Variants in PDZD8 observed in about 807,000 individuals in gnomAD.
PDZD8 encodes PDZ domain containing 8, also known as PDZ domain-containing protein 8.
In PDZD8, 14 loss-of-function variants were observed where a neutral mutation model predicts 85.8. That is an observed-to-expected ratio of 0.16 (90% confidence interval 0.11 to 0.26). PDZD8 has a LOEUF of 0.26. Among genes scored for constraint, PDZD8 ranks in the 10% least tolerant of loss-of-function variants. PDZD8 has a pLI of 1.00. For missense variants in PDZD8, 1,197 were observed against 1,424.3 expected (o/e 0.84, Z 2.57); for synonymous variants, 592 against 568.6 (o/e 1.04, Z -0.59).
chr10:117,361,024 A>G (rs998143641), intron 1 of PDZD8, among the ~76,000 whole-genome samples: 5 of 152,202 alleles, frequency 3.3e-5, no homozygotes, highest in Non-Finnish European at 7.3e-5. Context: ...TAAAGCTCAC[A>G]TTCCATTAGC....
intron 1 of PDZD8, among the ~76,000 whole-genome samples, chr10:117,346,758 T>C (rs1296275911): frequency 6.6e-6 from 1 of 151,992 alleles, no homozygotes; most frequent in Non-Finnish European, 1.5e-5. Context: ...ACTTTTAGGG[T>C]TTCCTGGCAG....
intron 1 of PDZD8, among the ~76,000 whole-genome samples, chr10:117,364,704 G>C (rs977638392): frequency 3.3e-5 from 5 of 152,100 alleles, no homozygotes; most frequent in African/African-American, 1.2e-4. Flanking sequence ...ACAGCAAAGA[G>C]GCATGAACAG....
intron 1 of PDZD8, among the ~76,000 whole-genome samples, chr10:117,368,151 G>A (rs1845122263): frequency 1.3e-5 from 2 of 152,012 alleles, no homozygotes; most frequent in South Asian, 2.1e-4. Context: ...TATACCCACC[G>A]CAACACTAGG....
chr10:117,321,864 A>T (rs1190040354), intron 2 of PDZD8, among the ~76,000 whole-genome samples: 1 of 152,200 alleles, frequency 6.6e-6, no homozygotes, highest in Admixed American at 6.5e-5. Context: ...GATATTTGAT[A>T]ACAGAAAACA....
intron 2 of PDZD8, among the ~76,000 whole-genome samples, chr10:117,326,075 T>C (rs953196800): frequency 1.3e-5 from 2 of 152,272 alleles, no homozygotes; most frequent in Admixed American, 1.3e-4. Context: ...TCCACTATGA[T>C]TCTAAGTGTC....
chr10:117,357,717 G>A (rs1379383198), intron 1 of PDZD8, among the ~76,000 whole-genome samples: 5 of 122,938 alleles, frequency 4.1e-5, no homozygotes, highest in Non-Finnish European at 8.0e-5. Context: ...AGTGAGCCCC[G>A]ATCATGCCAC....
chr10:117,308,347 G>A (rs1843979132), intron 3 of PDZD8, among the ~76,000 whole-genome samples: 1 of 151,938 alleles, frequency 6.6e-6, no homozygotes, highest in Non-Finnish European at 1.5e-5. Context: ...ATTTAAAAGG[G>A]TCTTATAAAC....
intron 3 of PDZD8, among the ~76,000 whole-genome samples, chr10:117,298,918 C>T (rs958903540): frequency 3.8e-4 from 57 of 151,910 alleles, no homozygotes; most frequent in Admixed American, 3.4e-3. Context: ...GGACCCCACT[C>T]GAGGATACCA....
At chr10:117,286,154 T>C (rs1844659955) in intron 4 of PDZD8, among the ~76,000 whole-genome samples, 1 of 152,208 alleles carries the variant, frequency 6.6e-6, no homozygotes, top group African/African-American at 2.4e-5. Flanking sequence ...TATTTTTTAA[T>C]TGTTACACGT....
chr10:117,341,417 A>T (rs1240851917), intron 1 of PDZD8, among the ~76,000 whole-genome samples: 1 of 152,196 alleles, frequency 6.6e-6, no homozygotes, highest in Non-Finnish European at 1.5e-5. Flanking sequence ...CCAGATGGGA[A>T]GAGTGTTCCT....
At chr10:117,372,925 C>T (rs758405814) in intron 1 of PDZD8, among the ~76,000 whole-genome samples, 2 of 152,082 alleles carry the variant, frequency 1.3e-5, no homozygotes, top group African/African-American at 2.4e-5. Flanking sequence ...TGAAAATTGA[C>T]ACTGGTAGAA....
At chr10:117,302,796 G>A (rs1843868901) in intron 3 of PDZD8, among the ~76,000 whole-genome samples, 1 of 152,168 alleles carries the variant, frequency 6.6e-6, no homozygotes, top group Non-Finnish European at 1.5e-5. Flanking sequence ...CATGAGATCT[G>A]ATGGGTTTAT....
rs769596970 is a variant in PDZD8 at position 117,283,517 on chromosome 10, A to G, written c.3216T>C (p.Leu1072=). ...KETTDTRKKS[L]LSAALAKSGE... ...CTGATTTAGCTAAGGCAGCAGAAAG[A>G]AGTGATTTTTTCCTTGTATCAGTTG... The change falls in exon 5 of 5, where the codon CTT becomes CTC. Residue 1072 remains leucine (L), a synonymous_variant. Transcript: ENST00000334464. The G allele has an allele frequency of 6.2e-7, 1 of 1,614,200 alleles. No individual in the cohort carries two copies. The highest frequency in any genetic ancestry group is 8.5e-7 in the Non-Finnish European group (1 of 1,180,032).
intron 1 of PDZD8, among the ~76,000 whole-genome samples, chr10:117,347,421 T>C (rs546472174): frequency 6.6e-6 from 1 of 152,306 alleles, no homozygotes; most frequent in African/African-American, 2.4e-5. Flanking sequence ...AGATGCCCCC[T>C]AGAGTTGTCC....
At chr10:117,371,699 C>T (rs1257997256) in intron 1 of PDZD8, among the ~76,000 whole-genome samples, 1 of 152,166 alleles carries the variant, frequency 6.6e-6, no homozygotes, top group African/African-American at 2.4e-5. Context: ...CTTTGGGAGG[C>T]TGAGGTGGGA....
At position 117,318,927 on chromosome 10, in the gene PDZD8, G is replaced by C; in HGVS notation, c.1043C>G (p.Thr348Arg). ...CCAAACACTACTGCTTAACTCAAGT[G>C]TGCAATGAACATTTGCCTCTCTGTC... ...SYDREANVHC[T>R]LELSSSVWEE... The change falls in exon 3 of 5, where the codon ACA (threonine) becomes AGA (arginine). Residue 348 changes from threonine (T) to arginine (R), a missense_variant. By Grantham distance (71) the Thr-to-Arg change is moderately conservative. Transcript: ENST00000334464. 1 of 1,612,310 alleles carries C rather than the reference G, an allele frequency of 6.2e-7. No individual in the cohort carries two copies.
intron 3 of PDZD8, among the ~76,000 whole-genome samples, chr10:117,318,127 T>C (rs1018692989): frequency 2.0e-5 from 3 of 152,240 alleles, no homozygotes; most frequent in Non-Finnish European, 4.4e-5. Context: ...TATCCTGTAG[T>C]ACTGGGTACA....
intron 2 of PDZD8, among the ~76,000 whole-genome samples, chr10:117,338,630 C>T (rs1049469597): frequency 6.6e-6 from 1 of 152,156 alleles, no homozygotes; most frequent in Non-Finnish European, 1.5e-5. Flanking sequence ...CGTAAAAATT[C>T]TTATTGGTTT....
chr10:117,277,278 C>A lies in PDZD8; in HGVS notation c.*5990G>T, dbSNP rs772059897. 2 of 1,462,688 alleles carry A rather than the reference C, an allele frequency of 1.4e-6. No homozygotes were observed. The highest frequency in any genetic ancestry group is 1.4e-5 in the African/African-American group (1 of 71,778). The allele number at this position is 1,462,688 out of a possible 1,614,324, so 90.6% of individuals were successfully genotyped here. A position where few individuals can be genotyped will look rare whatever the true frequency, so the allele number is the denominator to read the frequency against. On this transcript the variant is annotated 3_prime_UTR_variant, in exon 5 of 5. Coordinates refer to ENST00000334464, the MANE Select transcript of PDZD8 (RefSeq NM_173791.5). ...CTGAAAGTGACTGAGATGAGATCCT[C>A]AAAAATCATCAAAGTGTTTAATTGT...
Sources: gnomAD v4.1 joint callset for allele counts (sites outside exome capture counted in the v4.1 genomes callset) on GRCh38, gnomAD v4.1.1 for gene constraint, MANE v1.5 for transcripts, NCBI Gene and HGNC (gene_info 2026-07-23, HGNC 2026-07-21) for gene names.